The following SLC35G2 variants were observed in gnomAD, a reference collection of about 807,000 sequenced individuals.
SLC35G2 encodes solute carrier family 35 member G2.
Under a neutral mutation model 27.2 loss-of-function variants are expected in SLC35G2, and 20 were observed. The observed-to-expected ratio is 0.74, with a 90% CI of 0.52 to 1.07. The LOEUF is 1.07. Among genes scored for constraint, SLC35G2 ranks in the 50% least tolerant of loss-of-function variants. The probability of loss-of-function intolerance (pLI) is 0.00; values close to 1 mark genes in which losing one functional copy is unlikely to be tolerated. For missense variants in SLC35G2, 416 were observed against 493.3 expected, an observed-to-expected ratio of 0.84 and a Z score of 1.48; for synonymous variants, 148 against 165.3, an observed-to-expected ratio of 0.90 and a Z score of 0.80.
chr3:136,820,972 ATAAT>A (rs146780222), intron 1 of SLC35G2, among the ~76,000 whole-genome samples: 11,237 of 130,018 alleles, frequency 0.086, 433 homozygotes, highest in South Asian at 0.12. Context: ...CAACATATAA[ATAAT>A]CATAGAAATT....
chr3:136,849,016 C>T, intron 1 of SLC35G2, among the ~76,000 whole-genome samples: 1 of 152,050 alleles, frequency 6.6e-6, no homozygotes, highest in Non-Finnish European at 1.5e-5. Context: ...CCTGTCTCTA[C>T]TAAAAATACA....
chr3:136,824,856 C>T (rs1008849151), intron 1 of SLC35G2, among the ~76,000 whole-genome samples: 1 of 152,122 alleles, frequency 6.6e-6, no homozygotes, highest in Non-Finnish European at 1.5e-5. Flanking sequence ...CCCATCAACT[C>T]GTCATTTACA....
chr3:136,846,072 C>G (rs1012382386), intron 1 of SLC35G2, among the ~76,000 whole-genome samples: 1 of 152,080 alleles, frequency 6.6e-6, no homozygotes, highest in African/African-American at 2.4e-5. Context: ...AGTTGAAAGC[C>G]TGAATAGCAC....
intron 1 of SLC35G2, among the ~76,000 whole-genome samples, chr3:136,826,185 C>T (rs530763918): frequency 4.6e-5 from 7 of 152,064 alleles, no homozygotes; most frequent in East Asian, 3.9e-4. Context: ...TACAGGTGCC[C>T]GCCACAATGC....
chr3:136,835,165 A>ATTTCT (rs1336573512), intron 1 of SLC35G2, among the ~76,000 whole-genome samples: 1 of 152,184 alleles, frequency 6.6e-6, no homozygotes, highest in Non-Finnish European at 1.5e-5. Context: ...TTGAAAAAGT[A>ATTTCT]TTTCTTACTT....
intron 1 of SLC35G2, among the ~76,000 whole-genome samples, chr3:136,825,893 AT>A (rs1936571498): frequency 6.6e-6 from 1 of 152,134 alleles, no homozygotes; most frequent in Non-Finnish European, 1.5e-5. Flanking sequence ...TAGTTTTGGT[AT>A]CAGAGTAATA....
At chr3:136,849,342 A>T (rs1937534217) in intron 1 of SLC35G2, among the ~76,000 whole-genome samples, 1 of 152,030 alleles carries the variant, frequency 6.6e-6, no homozygotes, top group South Asian at 2.1e-4. Flanking sequence ...TTATCATTAT[A>T]CTTTGTAATA....
intron 1 of SLC35G2, among the ~76,000 whole-genome samples, chr3:136,826,141 A>C (rs1936580363): frequency 6.6e-6 from 1 of 151,976 alleles, no homozygotes; most frequent in African/African-American, 2.4e-5. Flanking sequence ...AGTTCACGCC[A>C]TTCTCCTTCC....
rs761625730 is a variant in SLC35G2, at chr3:136,855,321, A to G, written c.861A>G (p.Ala287=). The G allele has an allele frequency of 1.2e-5, 19 of 1,614,192 alleles. No individual in the cohort carries two copies. The highest frequency in any genetic ancestry group is 1.6e-5 in the Non-Finnish European group (19 of 1,180,012). ...SIKEKISMWT[A]LFTFGWTGTI... ...AGGAGAAGATCAGCATGTGGACTGC[A>G]CTGTTTACTTTTGGTTGGACTGGGA... is the stretch of plus-strand genomic sequence containing the variant. Residue 287 remains alanine, a synonymous_variant, in exon 2 of 2, where the codon GCA becomes GCG. Coordinates refer to ENST00000446465, the MANE Select transcript of SLC35G2 (RefSeq NM_025246.3).
Position 136,855,794 on chromosome 3 carries a change from CAG to C in SLC35G2, c.*98_*99del, listed in dbSNP as rs1049932816. Reference sequence around the variant, plus strand: ...AATGTCTTTTGTGTTATATAACTGACAGAGTGCTATAAAATATATAATATATA... The same window carrying C: ...AATGTCTTTTGTGTTATATAACTGACAGTGCTATAAAATATATAATATATA... On this transcript the variant is annotated 3_prime_UTR_variant, in exon 2 of 2. Transcript: ENST00000446465. 1.3e-5 allele frequency: 12 copies of C among 931,458 alleles called. No homozygotes were observed. The highest frequency in any genetic ancestry group is 3.1e-5 in the South Asian group (2 of 65,250). The allele number at this position is 931,458 out of a possible 1,614,324, so 57.7% of individuals were successfully genotyped here.
intron 1 of SLC35G2, among the ~76,000 whole-genome samples, chr3:136,835,155 T>C (rs2108005760): frequency 6.6e-6 from 1 of 152,316 alleles, no homozygotes; most frequent in South Asian, 2.1e-4. Context: ...AATTTCCTTT[T>C]TGAAAAAGTA....
At chr3:136,852,578 C>T (rs1017272541) in intron 1 of SLC35G2, among the ~76,000 whole-genome samples, 1 of 150,924 alleles carries the variant, frequency 6.6e-6, no homozygotes, top group Non-Finnish European at 1.5e-5. Context: ...CTGCAACCTC[C>T]GTCTCCTGGG....
At chr3:136,834,139 TACTA>T (rs908145845) in intron 1 of SLC35G2, among the ~76,000 whole-genome samples, 1 of 152,164 alleles carries the variant, frequency 6.6e-6, no homozygotes, top group African/African-American at 2.4e-5. Context: ...AAAAAAATAT[TACTA>T]ACATGTCTTT....
At chr3:136,820,607 T>C (rs1421138575) in intron 1 of SLC35G2, 1 of 152,240 alleles carries the variant, frequency 6.6e-6, no homozygotes, top group Non-Finnish European at 1.5e-5. Flanking sequence ...TTATGAAAGA[T>C]ACAGGTATGT....
At chr3:136,852,378 G>A (rs757818383) in intron 1 of SLC35G2, among the ~76,000 whole-genome samples, 6 of 151,956 alleles carry the variant, frequency 3.9e-5, no homozygotes, top group Non-Finnish European at 5.9e-5. Flanking sequence ...CCCAGATGGT[G>A]TCGAAGAACA....
rs139049412 is a variant in SLC35G2, at chr3:136,841,068, A to T, written c.-18-13375A>T. On this transcript the variant is annotated intron_variant, in intron 1 of 1. Coordinates refer to ENST00000446465, the MANE Select transcript of SLC35G2 (RefSeq NM_025246.3). ...GTCTTGAACTCCTGAGCTCAAAGTGATCTGCCCGCTTCAGCCTCCCAAAGT... is the reference window on the plus strand; with the variant it reads ...GTCTTGAACTCCTGAGCTCAAAGTGTTCTGCCCGCTTCAGCCTCCCAAAGT... Among the ~76,000 whole-genome samples the T allele has an allele frequency of 2.6e-3, 385 of 150,908 alleles. 2 individuals carry two copies. The highest frequency in any genetic ancestry group is 9.2e-3 in the African/African-American group (375 of 40,974).
At chr3:136,845,951 A>G (rs963280340) in intron 1 of SLC35G2, among the ~76,000 whole-genome samples, 2 of 151,994 alleles carry the variant, frequency 1.3e-5, no homozygotes, top group African/African-American at 4.8e-5. Flanking sequence ...CTGGTCAAAC[A>G]TTATTCTGGA....
In SLC35G2 at chr3:136,835,969, A is replaced by G. The variant is rs139669666; in HGVS notation, c.-19+16341A>G. On this transcript the variant is annotated intron_variant, in intron 1 of 1. Coordinates refer to ENST00000446465, the MANE Select transcript of SLC35G2 (RefSeq NM_025246.3). Reference sequence around the variant, plus strand: ...TTCTGGTATTTTTTCTGCCACAATCATTGCAGTTATTTCATCAGCTGTTTC... The same window carrying G: ...TTCTGGTATTTTTTCTGCCACAATCGTTGCAGTTATTTCATCAGCTGTTTC... 4.9e-3 allele frequency among the ~76,000 whole-genome samples: 748 copies of G among 152,158 alleles called. 6 individuals carry two copies. Among genetic ancestry groups the G allele is most frequent in the African/African-American group, 0.015 (611 of 41,498 alleles).
chr3:136,821,990 GTATA>G (rs930324561), intron 1 of SLC35G2, among the ~76,000 whole-genome samples: 3 of 151,906 alleles, frequency 2.0e-5, no homozygotes, highest in East Asian at 1.9e-4. Context: ...TGGTACATAG[GTATA>G]TATATATTTA....
Sources: allele counts gnomAD v4.1 joint callset (sites outside exome capture counted in the v4.1 genomes callset), GRCh38; gene constraint gnomAD v4.1.1; transcripts MANE v1.5; gene names NCBI Gene and HGNC (gene_info 2026-07-23, HGNC 2026-07-21).